Variants in HDAC1 observed in about 807,000 individuals in gnomAD.
HDAC1 encodes protein deacetylase HDAC1.
Under a neutral mutation model 65.5 loss-of-function variants are expected in HDAC1, and 18 were observed. That is an observed-to-expected ratio of 0.27 (90% CI 0.19 to 0.41). The LOEUF is 0.41. Ranked by LOEUF, HDAC1 falls within the 10% of genes least tolerant of loss-of-function variation. HDAC1 has a pLI of 1.00. For synonymous variants in HDAC1, 211 were observed against 227.9 expected, an observed-to-expected ratio of 0.93 and a Z score of 0.67; for missense variants, 373 against 625.2, an observed-to-expected ratio of 0.60 and a Z score of 4.30.
intron 2 of HDAC1, among the ~76,000 whole-genome samples, chr1:32,308,587 C>T (rs1472542795): frequency 2.0e-5 from 3 of 152,146 alleles, no homozygotes; most frequent in East Asian, 1.9e-4. Flanking sequence ...GGCGCAATCT[C>T]GGCCCACTGC....
At chr1:32,316,188 G>A (rs554257635) in intron 2 of HDAC1, among the ~76,000 whole-genome samples, 57 of 152,126 alleles carry the variant, frequency 3.7e-4, no homozygotes, top group South Asian at 6.2e-4. Flanking sequence ...GAAGGCTGAG[G>A]CAGGAGAATG....
intron 2 of HDAC1, among the ~76,000 whole-genome samples, chr1:32,306,068 G>A (rs1051342744): frequency 6.6e-6 from 1 of 152,110 alleles, no homozygotes; most frequent in Non-Finnish European, 1.5e-5. Flanking sequence ...TACCACAGTG[G>A]CTTAATTACA....
intron 2 of HDAC1, among the ~76,000 whole-genome samples, chr1:32,313,988 A>G (rs1641024702): frequency 6.6e-6 from 1 of 152,238 alleles, no homozygotes; most frequent in Non-Finnish European, 1.5e-5. Context: ...AAAGTAGACA[A>G]TAATCATACA....
chr1:32,318,311 C>A (rs1641092080), intron 3 of HDAC1, among the ~76,000 whole-genome samples: 1 of 152,190 alleles, frequency 6.6e-6, no homozygotes. Context: ...AATCCTAGCA[C>A]TTTGGGAGCC....
At chr1:32,303,039 G>A (rs1640870289) in intron 2 of HDAC1, among the ~76,000 whole-genome samples, 1 of 152,174 alleles carries the variant, frequency 6.6e-6, no homozygotes, top group African/African-American at 2.4e-5. Flanking sequence ...TGGCCATGGT[G>A]GCATGTGCCT....
intron 2 of HDAC1, among the ~76,000 whole-genome samples, chr1:32,315,947 AGAGT>A (rs1158829289): frequency 2.0e-5 from 3 of 150,848 alleles, no homozygotes; most frequent in South Asian, 4.2e-4. Context: ...CCTGGGTGAC[AGAGT>A]GAGACTCCGC....
chr1:32,295,247 C>G (rs1640751605), intron 1 of HDAC1, among the ~76,000 whole-genome samples: 1 of 151,976 alleles, frequency 6.6e-6, no homozygotes, highest in Non-Finnish European at 1.5e-5. Context: ...GACTCTGTCT[C>G]TACAAAAAGT....
At chr1:32,297,270 G>A (rs1640779661) in intron 1 of HDAC1, among the ~76,000 whole-genome samples, 1 of 152,162 alleles carries the variant, frequency 6.6e-6, no homozygotes, top group African/African-American at 2.4e-5. Context: ...GGCTGGGCAT[G>A]GTGGTTCACG....
Position 32,331,594 on chromosome 1 carries a change from C to G in HDAC1, c.1088+12C>G. ...CTGGAGAAGATCAAGTGAGTATATC[C>G]TCCAGCCACCCCTTGGTTGAACATT... On this transcript the variant is annotated intron_variant, in intron 10 of 13. Coordinates refer to ENST00000373548, the MANE Select transcript of HDAC1 (RefSeq NM_004964.3). The surrounding 1 kb of genome is among the most constrained non-coding windows in gnomAD (Gnocchi z 4.2). The G allele has an allele frequency of 6.2e-7, 1 of 1,609,446 alleles. No individual in the cohort carries two copies. Among genetic ancestry groups the G allele is most frequent in the Non-Finnish European group, 8.5e-7 (1 of 1,175,760 alleles).
chr1:32,292,117 G>T lies in HDAC1; in HGVS notation c.-53G>T. On this transcript the variant is annotated 5_prime_UTR_variant, in exon 1 of 14. Coordinates refer to ENST00000373548, the MANE Select transcript of HDAC1 (RefSeq NM_004964.3). ...CCTGGGTCGGACGCTGAGCGGAGCCGCGGGCGGGAGGGCGGACGGACCGAC... is the reference window on the plus strand; with the variant it reads ...CCTGGGTCGGACGCTGAGCGGAGCCTCGGGCGGGAGGGCGGACGGACCGAC... 10 of 1,531,522 alleles carry T rather than the reference G, an allele frequency of 6.5e-6. No homozygotes were observed. Among genetic ancestry groups the T allele is most frequent in the African/African-American group, 1.4e-5 (1 of 72,698 alleles). 94.9% of individuals were successfully genotyped at this position (1,531,522 alleles called of 1,614,324 possible).
At chr1:32,322,467 C>T (rs1193082390) in intron 3 of HDAC1, among the ~76,000 whole-genome samples, 3 of 152,078 alleles carry the variant, frequency 2.0e-5, no homozygotes, top group African/African-American at 7.2e-5. Context: ...CGGGGTTTCT[C>T]CATGTTGGCC....
At chr1:32,311,082 C>T (rs989381252) in intron 2 of HDAC1, among the ~76,000 whole-genome samples, 8 of 151,994 alleles carry the variant, frequency 5.3e-5, no homozygotes, top group African/African-American at 1.9e-4. Context: ...AGTGGTAGCC[C>T]AGGATGGAAG....
intron 2 of HDAC1, among the ~76,000 whole-genome samples, chr1:32,304,182 C>T (rs1287441110): frequency 6.6e-6 from 1 of 152,064 alleles, no homozygotes; most frequent in African/African-American, 2.4e-5. Context: ...GAGTAAACTA[C>T]CAACAGTGGT....
chr1:32,305,935 A>G (rs578063582), intron 2 of HDAC1, among the ~76,000 whole-genome samples: 1 of 152,060 alleles, frequency 6.6e-6, no homozygotes, highest in African/African-American at 2.4e-5. Context: ...TTAAATGTCC[A>G]TTTTTATTCA....
chr1:32,330,704 A>G lies in HDAC1; in HGVS notation c.838+18A>G, dbSNP rs754827385. 2.4e-5 allele frequency: 38 copies of G among 1,613,796 alleles called. No homozygotes were observed. In the East Asian group the frequency reaches 7.8e-4, roughly 33 times the overall value. On this transcript the variant is annotated intron_variant, in intron 8 of 13. Transcript: ENST00000373548. The surrounding 1 kb of genome is among the most constrained non-coding windows in gnomAD (Gnocchi z 4.2). ...TATCAAAGGTGAGACCAGGTAGCACAAGGATGGGTGGGCGGGGTCCTGCTT... is the reference window on the plus strand; with the variant it reads ...TATCAAAGGTGAGACCAGGTAGCACGAGGATGGGTGGGCGGGGTCCTGCTT...
intron 2 of HDAC1, among the ~76,000 whole-genome samples, chr1:32,310,598 C>T (rs1422558579): frequency 2.0e-5 from 3 of 152,038 alleles, no homozygotes; most frequent in Admixed American, 6.6e-5. Context: ...GCTTGTAGTC[C>T]CAGCACTTTG....
In HDAC1 at chr1:32,331,935, C is replaced by T; in HGVS notation, c.1219+129C>T. 7.1e-7 allele frequency: 1 copy of T among 1,415,244 alleles called. No individual in the cohort carries two copies. Among genetic ancestry groups the T allele is most frequent in the African/African-American group, 1.4e-5 (1 of 69,502 alleles). 87.7% of individuals were successfully genotyped at this position (1,415,244 alleles called of 1,614,324 possible). A position where few individuals can be genotyped will look rare whatever the true frequency, so the allele number is the denominator to read the frequency against. On this transcript the variant is annotated intron_variant, in intron 11 of 13. Transcript: ENST00000373548. The surrounding 1 kb of genome is among the most constrained non-coding windows in gnomAD (Gnocchi z 4.2). Reference sequence around the variant, plus strand: ...GAAATCTGTTTTCGAGTTCCAGTGCCTGTAGGAACAGGTTAGGGAGCCCGA... The same window carrying T: ...GAAATCTGTTTTCGAGTTCCAGTGCTTGTAGGAACAGGTTAGGGAGCCCGA...
At chr1:32,315,631 G>A (rs1376938101) in intron 2 of HDAC1, among the ~76,000 whole-genome samples, 1 of 151,006 alleles carries the variant, frequency 6.6e-6, no homozygotes, top group Non-Finnish European at 1.5e-5. Flanking sequence ...GGGATTACAG[G>A]CGTGAGCCAC....
At position 32,303,766 on chromosome 1, in the gene HDAC1, G is replaced by C. The variant is rs185130362; in HGVS notation, c.162+1033G>C. Among the ~76,000 whole-genome samples, 520 of 152,240 alleles carry C rather than the reference G, an allele frequency of 3.4e-3. 5 individuals are homozygous for C. Among genetic ancestry groups the C allele is most frequent in the Non-Finnish European group, 3.4e-3 (228 of 68,022 alleles). ...AGTCCCAGCTATCTGGGAGGCTGAG[G>C]TGGGAGGACCACTTGAGCCTGGGAG... On this transcript the variant is annotated intron_variant, in intron 2 of 13. Transcript: ENST00000373548.
Sources: allele counts gnomAD v4.1 joint callset (sites outside exome capture counted in the v4.1 genomes callset), GRCh38; gene constraint gnomAD v4.1.1; non-coding constraint Gnocchi (gnomAD v3.1); transcripts MANE v1.5; gene names NCBI Gene and HGNC (gene_info 2026-07-23, HGNC 2026-07-21).